REPS1: variants seen among roughly 807,000 people sequenced by gnomAD.
REPS1 encodes the protein ralBP1-associated Eps domain-containing protein 1.
REPS1 carries 39 observed loss-of-function variants against 100.9 expected under a neutral mutation model. That is an observed-to-expected ratio of 0.39 (90% CI 0.30 to 0.50). The LOEUF (loss-of-function observed/expected upper bound fraction) is 0.50, where lower values mean the gene tolerates loss of function less well. REPS1 is among the 20% of genes least tolerant of loss of function. The pLI is 0.86. For missense variants in REPS1, 821 were observed against 968.5 expected, an observed-to-expected ratio of 0.85 and a Z score of 2.02; for synonymous variants, 324 against 340.3, an observed-to-expected ratio of 0.95 and a Z score of 0.53.
At chr6:138,967,348 ATAGAT>A (rs1393373475) in intron 1 of REPS1, among the ~76,000 whole-genome samples, 2 of 152,238 alleles carry the variant, frequency 1.3e-5, no homozygotes, top group Non-Finnish European at 2.9e-5. Flanking sequence ...AGTGCCAGAC[ATAGAT>A]TAGATATGTG....
chr6:138,957,474 G>C (rs1400228193), intron 1 of REPS1, among the ~76,000 whole-genome samples: 4 of 152,146 alleles, frequency 2.6e-5, no homozygotes, highest in Admixed American at 1.3e-4. Context: ...TTTTCAACCA[G>C]GCAGAAACTT....
At chr6:138,983,288 C>T (rs1191842269) in intron 1 of REPS1, among the ~76,000 whole-genome samples, 14 of 152,068 alleles carry the variant, frequency 9.2e-5, no homozygotes, top group Non-Finnish European at 1.9e-4. Context: ...CCCGACTCTA[C>T]TAAAAATACA....
intron 1 of REPS1, among the ~76,000 whole-genome samples, chr6:138,978,314 G>T (rs575534332): frequency 9.8e-4 from 147 of 149,478 alleles, no homozygotes; most frequent in African/African-American, 3.4e-3. Context: ...TTTGAGACAG[G>T]GTCTGGCTCT....
chr6:138,909,453 T>C (rs756434807), intron 17 of REPS1, among the ~76,000 whole-genome samples: 7 of 152,210 alleles, frequency 4.6e-5, no homozygotes, highest in Non-Finnish European at 8.8e-5. Flanking sequence ...ATTTTTAATT[T>C]GTTACTGTGA....
chr6:138,926,701 T>C, intron 9 of REPS1: 1 of 493,870 alleles, frequency 2.0e-6, no homozygotes, highest in South Asian at 2.3e-5. Context: ...ATAGTAATGA[T>C]TTATTGCAAT....
In REPS1 at chr6:138,968,203, C is replaced by T. The variant is rs1582842883; in HGVS notation, c.153+19327G>A. On this transcript the variant is annotated intron_variant, in intron 1 of 19. Coordinates refer to ENST00000450536, the MANE Select transcript of REPS1 (RefSeq NM_001286611.2). Reference sequence around the variant, plus strand: ...GTAAGTCAGGGACCATCTGTACTTGCTTGATGGTGGTAACTCCTAAGAATT... The same window carrying T: ...GTAAGTCAGGGACCATCTGTACTTGTTTGATGGTGGTAACTCCTAAGAATT... Among the ~76,000 whole-genome samples the T allele has an allele frequency of 3.3e-5, 5 of 152,216 alleles. No homozygotes were observed. In the South Asian group the frequency reaches 8.3e-4, roughly 25 times the overall value.
At chr6:138,917,708 T>C in intron 12 of REPS1, 81 bp from the exon 13 acceptor site, 1 of 1,143,512 alleles carries the variant, frequency 8.7e-7, no homozygotes, top group Non-Finnish European at 1.3e-6. Flanking sequence ...ATATAAGTGA[T>C]ATGCTGTTTC....
At position 138,904,652 on chromosome 6, in the gene REPS1, C is replaced by T. The variant is rs1779521958; in HGVS notation, c.*412G>A. 3 of 149,494 alleles carry T rather than the reference C, an allele frequency of 2.0e-5. No homozygotes were observed. 9.3% of individuals were successfully genotyped at this position (149,494 alleles called of 1,614,324 possible). ...ATCAAAATTAAATGGGAAACTCTTT[C>T]TAAAGATTTTTATAGAATAGATGCT... On this transcript the variant is annotated 3_prime_UTR_variant, in exon 20 of 20. Transcript: ENST00000450536.
At chr6:138,916,739 T>C (rs918346054) in intron 13 of REPS1, among the ~76,000 whole-genome samples, 8 of 152,134 alleles carry the variant, frequency 5.3e-5, no homozygotes, top group African/African-American at 1.9e-4. Context: ...ATTTTAGAGG[T>C]GACTATGCTC....
chr6:138,917,268 G>C (rs939433447), intron 13 of REPS1, among the ~76,000 whole-genome samples: 2 of 152,172 alleles, frequency 1.3e-5, no homozygotes, highest in Non-Finnish European at 1.5e-5. Flanking sequence ...TGTATTACTT[G>C]ACAGATTCTC....
rs968104850 is a variant in REPS1, at chr6:138,937,061, G to C, written c.1135+4274C>G. ...CATGGTGGAAGGCAAGGAGGAGCAA[G>C]TCACATCTTACATGGATGGCAGGAG... On this transcript the variant is annotated intron_variant, in intron 8 of 19. Transcript: ENST00000450536. Among the ~76,000 whole-genome samples the C allele has an allele frequency of 4.6e-5, 7 of 152,240 alleles. No homozygotes were observed. In the East Asian group the frequency reaches 1.2e-3, roughly 25 times the overall value.
In REPS1 at chr6:138,945,671, C is replaced by T; in HGVS notation, c.304G>A (p.Val102Ile). Residue 102 changes from valine (V) to isoleucine (I), a missense_variant, in exon 3 of 20, where the codon GTT (valine) becomes ATT (isoleucine). By Grantham distance (29) the Val-to-Ile change is conservative (BLOSUM62 3). Coordinates refer to ENST00000450536, the MANE Select transcript of REPS1 (RefSeq NM_001286611.2). ...GATTCCTGTTCATTCTTTGAAGCAA[C>T]AAATCTTGGCAGAGGAAGGTCCTTT... ...TVKDLPLPRFVASKNEQESRH... is the reference protein window; with the variant it reads ...TVKDLPLPRFIASKNEQESRH... The T allele has an allele frequency of 6.2e-7, 1 of 1,606,412 alleles. No individual in the cohort carries two copies. Among genetic ancestry groups the T allele is most frequent in the Non-Finnish European group, 8.5e-7 (1 of 1,177,176 alleles).
chr6:138,909,346 G>A (rs1405849316), intron 17 of REPS1, among the ~76,000 whole-genome samples: 1 of 152,040 alleles, frequency 6.6e-6, no homozygotes, highest in Non-Finnish European at 1.5e-5. Context: ...TCTGCCCTTG[G>A]CAGAATAAAA....
chr6:138,925,058 A>T (rs1341849671), intron 10 of REPS1, among the ~76,000 whole-genome samples: 4 of 152,098 alleles, frequency 2.6e-5, no homozygotes, highest in Non-Finnish European at 5.9e-5. Flanking sequence ...ATGATAAAAG[A>T]CATCAGGCCA....
chr6:138,987,398 C>T, intron 1 of REPS1, 132 bp downstream of exon 1: 3 of 1,001,942 alleles, frequency 3.0e-6, no homozygotes, highest in Non-Finnish European at 4.2e-6. Flanking sequence ...CACCTGCGGC[C>T]CCTGCCCGCT....
intron 8 of REPS1, among the ~76,000 whole-genome samples, chr6:138,937,532 C>T (rs542951232): frequency 6.6e-6 from 1 of 151,896 alleles, no homozygotes; most frequent in Non-Finnish European, 1.5e-5. Flanking sequence ...AAAAAAAATT[C>T]GTGTTGGAAG....
intron 5 of REPS1, 126 bp from the exon 6 acceptor site, chr6:138,944,141 A>G (rs1262907134): frequency 2.7e-5 from 23 of 853,818 alleles, no homozygotes; most frequent in South Asian, 1.1e-4. Flanking sequence ...GTAAAACCAC[A>G]CATCTGTTAC....
intron 1 of REPS1, among the ~76,000 whole-genome samples, chr6:138,984,053 T>C (rs1250882581): frequency 2.0e-5 from 3 of 151,046 alleles, no homozygotes; most frequent in Non-Finnish European, 4.4e-5. Context: ...TTTACCTTCA[T>C]AATCTCTACC....
intron 1 of REPS1, among the ~76,000 whole-genome samples, chr6:138,977,102 T>C (rs1412461817): frequency 6.6e-6 from 1 of 152,212 alleles, no homozygotes; most frequent in Non-Finnish European, 1.5e-5. Flanking sequence ...AATTCAACCA[T>C]CATATGTGTA....
Sources: gnomAD v4.1 joint callset for allele counts (sites outside exome capture counted in the v4.1 genomes callset) on GRCh38, gnomAD v4.1.1 for gene constraint, MANE v1.5 for transcripts, NCBI Gene and HGNC (gene_info 2026-07-23, HGNC 2026-07-21) for gene names.